GFM2: variants seen among roughly 807,000 people sequenced by gnomAD.
GFM2 encodes the protein GTP dependent ribosome recycling factor mitochondrial 2.
Under a neutral mutation model 95.4 loss-of-function variants are expected in GFM2, and 72 were observed. The observed-to-expected ratio is 0.76, with a 90% CI of 0.62 to 0.92. The LOEUF is 0.92. GFM2 is among the 40% of genes least tolerant of loss of function. The pLI is 0.00. For synonymous variants in GFM2, 276 were observed against 317.5 expected (o/e 0.87, Z 1.39); for missense variants, 825 against 924.1 (o/e 0.89, Z 1.39).
intron 11 of GFM2, 81 bp downstream of exon 11, chr5:74,741,448 T>C: frequency 1.5e-6 from 1 of 669,620 alleles, no homozygotes; most frequent in East Asian, 2.8e-5. Context: ...AAAAAAAAAA[T>C]GCACACACAT....
Position 74,759,307 on chromosome 5 carries a change from G to GA in GFM2, c.206+61dup, listed in dbSNP as rs567257445. 5.1e-4 allele frequency: 492 copies of GA among 972,492 alleles called. 4 individuals are homozygous for GA. In the African/African-American group the frequency reaches 7.1e-3, roughly 14 times the overall value. 60.2% of individuals were successfully genotyped at this position (972,492 alleles called of 1,614,324 possible). ...TTACAGCATTCACTCTTGTCCATCA[G>GA]AAAAAACCTGTAAATTTTCGTGACA... On this transcript the variant is annotated intron_variant, in intron 4 of 20. Transcript: ENST00000296805.
At chr5:74,759,991 T>C (rs1744194571) in intron 3 of GFM2, among the ~76,000 whole-genome samples, 1 of 152,160 alleles carries the variant, frequency 6.6e-6, no homozygotes, top group Non-Finnish European at 1.5e-5. Context: ...CCAAGCAGTA[T>C]TTCTTAAATA....
intron 3 of GFM2, among the ~76,000 whole-genome samples, chr5:74,760,317 T>G (rs763689164): frequency 1.3e-4 from 20 of 152,190 alleles, no homozygotes; most frequent in Non-Finnish European, 2.6e-4. Flanking sequence ...AGCCAATCAG[T>G]ATTTTTATTC....
chr5:74,756,926 C>T (rs1336690052), intron 5 of GFM2, among the ~76,000 whole-genome samples: 1 of 151,978 alleles, frequency 6.6e-6, no homozygotes, highest in Non-Finnish European at 1.5e-5. Flanking sequence ...GGAGAAAGGG[C>T]AGGAGGGGAG....
chr5:74,745,988 T>C (rs1432744173), intron 9 of GFM2, 117 bp downstream of exon 9: 1 of 1,064,924 alleles, frequency 9.4e-7, no homozygotes, highest in African/African-American at 1.6e-5. Flanking sequence ...CTGTGGCTAT[T>C]TCTATTTATA....
chr5:74,722,345 A>AAG, intron 20 of GFM2, 34 bp downstream of exon 20: 1 of 1,540,814 alleles, frequency 6.5e-7, no homozygotes, highest in South Asian at 1.1e-5. Context: ...CTGAATTAAG[A>AAG]AGAATATGTA....
chr5:74,744,408 G>C (rs1486262737), intron 10 of GFM2, among the ~76,000 whole-genome samples: 2 of 151,242 alleles, frequency 1.3e-5, no homozygotes, highest in African/African-American at 4.9e-5. Flanking sequence ...AAAAATGAAT[G>C]CTGAATAAAT....
chr5:74,722,482 G>C lies in GFM2; in HGVS notation c.2108C>G (p.Pro703Arg). The change falls in exon 20 of 21, where the codon CCT (proline) becomes CGT (arginine). Residue 703 changes from proline to arginine, a missense_variant. Transcript: ENST00000296805. ...EVTVARDYLS[P>R]VLADLAQRRG... ...TCTTTGTGCCAGATCTGCCAGGACAGGGCTGAGATAATCTCTAGCTACTGT... is the reference window on the plus strand; with the variant it reads ...TCTTTGTGCCAGATCTGCCAGGACACGGCTGAGATAATCTCTAGCTACTGT... The C allele has an allele frequency of 1.2e-6, 2 of 1,613,976 alleles. No individual in the cohort carries two copies. The highest frequency in any genetic ancestry group is 1.7e-6 in the Non-Finnish European group (2 of 1,179,886).
Position 74,736,850 on chromosome 5 carries a change from G to C in GFM2, c.1456C>G (p.Pro486Ala), listed in dbSNP as rs773135306. 2 of 1,613,880 alleles carry C rather than the reference G, an allele frequency of 1.2e-6. No individual in the cohort carries two copies. The highest frequency in any genetic ancestry group is 1.7e-6 in the Non-Finnish European group (2 of 1,179,862). ...ATGGTACAGAAGAAAACAGGTTCTG[G>C]AATCTCCACTCCAGCCAATAAAAGT... ...ERLLLAGVEI[P>A]EPVFFCTIEP... Residue 486 changes from proline to alanine, a missense_variant, in exon 15 of 21, where the codon CCA becomes GCA. Physicochemically the swap from Pro to Ala is conservative, Grantham distance 27. Coordinates refer to ENST00000296805, the MANE Select transcript of GFM2 (RefSeq NM_032380.5).
Position 74,721,295 on chromosome 5 carries a change from A to G in GFM2, c.*360T>C. ...AATATTTTTATTGATTGAACCTTTG[A>G]CCCTCTATCTTATTACATTTAGAGG... On this transcript the variant is annotated 3_prime_UTR_variant, in exon 21 of 21. Transcript: ENST00000296805. 1 of 878,688 alleles carries G rather than the reference A, an allele frequency of 1.1e-6. No homozygotes were observed. The highest frequency in any genetic ancestry group is 1.9e-6 in the Non-Finnish European group (1 of 531,254). 54.4% of individuals were successfully genotyped at this position (878,688 alleles called of 1,614,324 possible). A position where few individuals can be genotyped will look rare whatever the true frequency, so the allele number is the denominator to read the frequency against.
At chr5:74,737,538 T>C (rs1742897239) in intron 14 of GFM2, among the ~76,000 whole-genome samples, 1 of 152,202 alleles carries the variant, frequency 6.6e-6, no homozygotes, top group Non-Finnish European at 1.5e-5. Context: ...ATAGTCCCAA[T>C]GTATTTGTAG....
intron 1 of GFM2, among the ~76,000 whole-genome samples, chr5:74,766,001 A>C (rs956907794): frequency 6.6e-6 from 1 of 151,548 alleles, no homozygotes; most frequent in African/African-American, 2.4e-5. Flanking sequence ...CTCCGTCTCA[A>C]AACAAAACAA....
intron 5 of GFM2, among the ~76,000 whole-genome samples, chr5:74,755,478 A>G (rs1294004611): frequency 6.6e-6 from 1 of 152,208 alleles, no homozygotes; most frequent in African/African-American, 2.4e-5. Flanking sequence ...TTGATAGACC[A>G]TTAGTAAGAT....
At chr5:74,739,611 A>C (rs933437695) in intron 12 of GFM2, among the ~76,000 whole-genome samples, 2 of 152,166 alleles carry the variant, frequency 1.3e-5, no homozygotes, top group Non-Finnish European at 2.9e-5. Flanking sequence ...ATAGGAGTAA[A>C]ACAATGACCT....
Position 74,736,989 on chromosome 5 carries a change from C to A in GFM2, c.1321-4G>T, listed in dbSNP as rs762453862. 7.2e-5 allele frequency: 116 copies of A among 1,612,514 alleles called. No individual in the cohort carries two copies. The highest frequency in any genetic ancestry group is 1.7e-5 in the Non-Finnish European group (20 of 1,179,446). ...CAATGGTGTCTCCAGTGGCAGTCTG[C>A]AAGCAAACAAGATGACTTGGAACGA... On this transcript the variant is annotated splice_polypyrimidine_tract_variant and splice_region_variant and intron_variant, in intron 14 of 20. Coordinates refer to ENST00000296805, the MANE Select transcript of GFM2 (RefSeq NM_032380.5).
intron 16 of GFM2, among the ~76,000 whole-genome samples, chr5:74,731,964 A>AT (rs1207990275): frequency 7.5e-6 from 1 of 134,150 alleles, no homozygotes; most frequent in Non-Finnish European, 1.6e-5. Context: ...ATTTTTATTT[A>AT]TTTTTTTCAA....
intron 19 of GFM2, 158 bp from the exon 20 acceptor site, chr5:74,722,719 T>TA: frequency 1.7e-6 from 1 of 575,016 alleles, no homozygotes; most frequent in Non-Finnish European, 3.0e-6. Flanking sequence ...GCTTGTATAA[T>TA]AAGCATGATA....
chr5:74,764,778 GTTTTTT>G (rs757160377), intron 1 of GFM2, among the ~76,000 whole-genome samples: 24 of 70,496 alleles, frequency 3.4e-4, no homozygotes, highest in South Asian at 1.1e-3. Flanking sequence ...TCCCTTTGTT[GTTTTTT>G]TTTTTTTTTT....
At chr5:74,738,819 C>A (rs998108555) in intron 12 of GFM2, among the ~76,000 whole-genome samples, 177 bp from the exon 13 acceptor site, 40 of 152,060 alleles carry the variant, frequency 2.6e-4, no homozygotes. Context: ...CAATGGAGAT[C>A]TTACCATTAA....
Sources: gnomAD v4.1 joint callset for allele counts (sites outside exome capture counted in the v4.1 genomes callset) on GRCh38, gnomAD v4.1.1 for gene constraint, MANE v1.5 for transcripts, NCBI Gene and HGNC (gene_info 2026-07-23, HGNC 2026-07-21) for gene names.